SIM1: variants seen among roughly 807,000 people sequenced by gnomAD.
SIM1 encodes the protein SIM bHLH transcription factor 1.
In SIM1, 18 loss-of-function variants were observed where a neutral mutation model predicts 78.2. The observed-to-expected ratio is 0.23, with a 90% CI of 0.16 to 0.34. SIM1 has a LOEUF of 0.34. Among genes scored for constraint, SIM1 ranks in the 10% least tolerant of loss-of-function variants. The pLI is 1.00. For missense variants in SIM1, 939 were observed against 975.1 expected (o/e 0.96, Z 0.49); for synonymous variants, 417 against 385.2 (o/e 1.08, Z -0.97).
intron 10 of SIM1, among the ~76,000 whole-genome samples, chr6:100,395,751 G>A (rs532837262): frequency 1.3e-5 from 2 of 152,218 alleles, no homozygotes; most frequent in Non-Finnish European, 2.9e-5. Flanking sequence ...AAGAATCCTG[G>A]GTCTTCCCAT....
At chr6:100,421,519 C>G (rs1313616413) in intron 9 of SIM1, among the ~76,000 whole-genome samples, 3 of 152,200 alleles carry the variant, frequency 2.0e-5, no homozygotes, top group Admixed American at 1.3e-4. Flanking sequence ...TTATTGAGTT[C>G]CTAATATACA....
rs143239350 is a variant in SIM1 at position 100,394,755 on chromosome 6, A to G, written c.1168-866T>C. On this transcript the variant is annotated intron_variant, in intron 10 of 11. Transcript: ENST00000369208. Reference sequence around the variant, plus strand: ...CAAAAACCTAAGGTTTAAGGCTCCAATCTCCTGAAACTTAATCTTCATTAA... The same window carrying G: ...CAAAAACCTAAGGTTTAAGGCTCCAGTCTCCTGAAACTTAATCTTCATTAA... 3.4e-3 allele frequency among the ~76,000 whole-genome samples: 519 copies of G among 152,242 alleles called. 1 individual carries two copies. Among genetic ancestry groups the G allele is most frequent in the African/African-American group, 0.012 (493 of 41,544 alleles).
At chr6:100,441,266 A>G (rs950969990) in intron 9 of SIM1, among the ~76,000 whole-genome samples, 13 of 152,206 alleles carry the variant, frequency 8.5e-5, no homozygotes, top group Non-Finnish European at 2.9e-5. Context: ...GGCAGTGCCA[A>G]GGGGCCAGAG....
At chr6:100,424,101 T>C (rs1771663223) in intron 9 of SIM1, among the ~76,000 whole-genome samples, 2 of 113,788 alleles carry the variant, frequency 1.8e-5, no homozygotes, top group African/African-American at 6.9e-5. Flanking sequence ...CATCTCACTG[T>C]TGAAGAAGTC....
intron 2 of SIM1, among the ~76,000 whole-genome samples, chr6:100,459,799 G>C (rs1292628523): frequency 6.6e-6 from 1 of 152,232 alleles, no homozygotes; most frequent in Non-Finnish European, 1.5e-5. Flanking sequence ...TCCTTTCAAA[G>C]TTGATTATGA....
chr6:100,451,761 G>A (rs1394228880), intron 3 of SIM1, among the ~76,000 whole-genome samples: 1 of 152,178 alleles, frequency 6.6e-6, no homozygotes, highest in African/African-American at 2.4e-5. Flanking sequence ...CTAAGCAGAA[G>A]GTGACATCAT....
chr6:100,435,646 GA>G (rs1319638283), intron 9 of SIM1, among the ~76,000 whole-genome samples: 1 of 151,586 alleles, frequency 6.6e-6, no homozygotes, highest in Non-Finnish European at 1.5e-5. Context: ...TCTTATAAAA[GA>G]AAAAAGAAGC....
chr6:100,449,518 C>A, intron 5 of SIM1, 70 bp from the exon 6 acceptor site: 10 of 1,581,498 alleles, frequency 6.3e-6, no homozygotes, highest in Non-Finnish European at 7.8e-6. Flanking sequence ...CGCGTCTCTG[C>A]CACGACTAAT....
chr6:100,460,165 C>A (rs569980823), intron 2 of SIM1, among the ~76,000 whole-genome samples: 5 of 152,120 alleles, frequency 3.3e-5, no homozygotes, highest in Non-Finnish European at 5.9e-5. Context: ...CCCATTTTCA[C>A]CTAAACAGTT....
In SIM1 at chr6:100,420,805, A is replaced by T. The variant is rs1480537266; in HGVS notation, c.1152T>A (p.Thr384=). 6.2e-7 allele frequency: 1 copy of T among 1,614,036 alleles called. No homozygotes were observed. Among genetic ancestry groups the T allele is most frequent in the African/African-American group, 1.3e-5 (1 of 74,926 alleles). ...RLSSSKSKSR[T]SPYPQYSGFH... is the part of the protein sequence containing the mutation. ...ATGCACTTACCTGAGGGTATGGGGA[A>T]GTCCTGGATTTTGACTTTGAGCTGG... The change falls in exon 10 of 12, where the codon ACT becomes ACA. Residue 384 remains threonine, a synonymous_variant. Transcript: ENST00000369208.
At chr6:100,412,069 A>G (rs1461352590) in intron 10 of SIM1, among the ~76,000 whole-genome samples, 1 of 152,122 alleles carries the variant, frequency 6.6e-6, no homozygotes, top group Non-Finnish European at 1.5e-5. Flanking sequence ...TGGGTCTCCA[A>G]GTACTAACAT....
Position 100,448,358 on chromosome 6 carries a change from C to G in SIM1, c.744-106G>C. 3.6e-6 allele frequency: 5 copies of G among 1,377,918 alleles called. No individual in the cohort carries two copies. The South Asian group carries it at 6.5e-5, about 18-fold the overall frequency. 85.4% of individuals were successfully genotyped at this position (1,377,918 alleles called of 1,614,324 possible). On this transcript the variant is annotated intron_variant, in intron 7 of 11. Transcript: ENST00000369208. The stretch of plus-strand genomic sequence containing the variant: ...ACACCTAGCTGTCCGCCCTCACTTT[C>G]CAGGGCCGATTCAGTCGCCTCATGT...
chr6:100,452,083 G>T lies in SIM1; in HGVS notation c.258+1679C>A, dbSNP rs543836238. 4.5e-4 allele frequency among the ~76,000 whole-genome samples: 68 copies of T among 152,230 alleles called. 1 individual carries two copies. The South Asian group carries it at 0.013, about 30-fold the overall frequency. ...GCATTTGCAGGCCAACCAGTGGTGG[G>T]GAAATCAAAAGGGAGCAGGCAGAGA... On this transcript the variant is annotated intron_variant, in intron 3 of 11. Transcript: ENST00000369208.
chr6:100,448,147 C>T lies in SIM1; in HGVS notation c.849G>A (p.Leu283=). The T allele has an allele frequency of 1.9e-6, 3 of 1,612,038 alleles. No homozygotes were observed. The highest frequency in any genetic ancestry group is 2.5e-6 in the Non-Finnish European group (3 of 1,179,300). ...DTFHLRCAHH[L]LLVKGQVTTK... ...GTACGGGGCAGGGTGGCGCCTTACG[C>T]AAATGGTGCGCGCAGCGCAGGTGGA... Residue 283 remains leucine, a splice_region_variant and synonymous_variant, in exon 8 of 12, where the codon TTG becomes TTA. Coordinates refer to ENST00000369208, the MANE Select transcript of SIM1 (RefSeq NM_005068.3).
intron 9 of SIM1, among the ~76,000 whole-genome samples, chr6:100,441,049 C>T (rs1772200866): frequency 6.6e-6 from 1 of 152,168 alleles, no homozygotes; most frequent in African/African-American, 2.4e-5. Flanking sequence ...CAATGTGAGT[C>T]AAAGATCAAA....
intron 2 of SIM1, 76 bp from the exon 3 acceptor site, chr6:100,453,920 G>T: frequency 9.0e-7 from 1 of 1,113,174 alleles, no homozygotes; most frequent in Non-Finnish European, 1.3e-6. Flanking sequence ...TCCCGCGACT[G>T]TATTACCCGA....
At chr6:100,401,276 T>C (rs1770908228) in intron 10 of SIM1, among the ~76,000 whole-genome samples, 1 of 152,078 alleles carries the variant, frequency 6.6e-6, no homozygotes, top group Non-Finnish European at 1.5e-5. Context: ...GCTAAAGAAC[T>C]ATTCAGATTA....
chr6:100,412,668 AG>A, intron 10 of SIM1, among the ~76,000 whole-genome samples: 3 of 136,732 alleles, frequency 2.2e-5, no homozygotes, highest in Non-Finnish European at 4.7e-5. Context: ...AGAGAGAGAG[AG>A]AGAGAAAGAA....
chr6:100,413,857 C>A (rs1771328452), intron 10 of SIM1, among the ~76,000 whole-genome samples: 1 of 152,122 alleles, frequency 6.6e-6, no homozygotes, highest in Admixed American at 6.5e-5. Flanking sequence ...ACCACTTTTG[C>A]CTATCCCTAC....
Sources: allele counts gnomAD v4.1 joint callset (sites outside exome capture counted in the v4.1 genomes callset), GRCh38; gene constraint gnomAD v4.1.1; transcripts MANE v1.5; gene names NCBI Gene and HGNC (gene_info 2026-07-23, HGNC 2026-07-21).